The following ITPR2 variants were observed in gnomAD, a reference collection of about 807,000 sequenced individuals.
ITPR2 encodes the protein inositol 1,4,5-trisphosphate receptor type 2, also known as inositol 1,4,5-trisphosphate-gated calcium channel ITPR2.
In ITPR2, 207 loss-of-function variants were observed where a neutral mutation model predicts 317.1. The observed-to-expected ratio is 0.65, with a 90% CI of 0.58 to 0.73. The LOEUF is 0.73. ITPR2 is among the 30% of genes least tolerant of loss of function. ITPR2 has a pLI of 0.00. For missense variants in ITPR2, 2,613 were observed against 3,284.0 expected (o/e 0.80, Z 4.99); for synonymous variants, 1,156 against 1,149.1 (o/e 1.01, Z -0.12).
chr12:26,598,120 T>C (rs996928936), intron 30 of ITPR2, among the ~76,000 whole-genome samples: 1 of 152,192 alleles, frequency 6.6e-6, no homozygotes, highest in African/African-American at 2.4e-5. Flanking sequence ...TTGCTGATCA[T>C]AACACAAAAT....
chr12:26,455,088 T>C (rs148541714), intron 45 of ITPR2, among the ~76,000 whole-genome samples: 2 of 151,866 alleles, frequency 1.3e-5, no homozygotes, highest in East Asian at 3.9e-4. Context: ...TAATGATGAG[T>C]TCCGCAACAG....
At chr12:26,798,568 A>G (rs1407232794) in intron 1 of ITPR2, among the ~76,000 whole-genome samples, 3 of 152,216 alleles carry the variant, frequency 2.0e-5, no homozygotes, top group Non-Finnish European at 4.4e-5. Context: ...TTAAAATGTA[A>G]TATCTTGCTA....
chr12:26,425,936 G>A (rs1271993210), intron 49 of ITPR2, among the ~76,000 whole-genome samples: 1 of 152,114 alleles, frequency 6.6e-6, no homozygotes, highest in African/African-American at 2.4e-5. Flanking sequence ...TCCCATGAGG[G>A]GAAAAAATGC....
At chr12:26,552,582 A>G (rs2137008685) in intron 36 of ITPR2, among the ~76,000 whole-genome samples, 1 of 152,324 alleles carries the variant, frequency 6.6e-6, no homozygotes, top group South Asian at 2.1e-4. Context: ...GAGTCTAGAA[A>G]AGGTGTTATA....
In ITPR2 at chr12:26,545,281, A is replaced by T. The variant is rs554185042; in HGVS notation, c.5073+4966T>A. On this transcript the variant is annotated intron_variant, in intron 37 of 56. Transcript: ENST00000381340. ...TTAAGGCTCTTGAGATGGGAAAATT[A>T]TACCAGATTATCCAGGTGGTTCCAA... Among the ~76,000 whole-genome samples, 4 of 152,242 alleles carry T rather than the reference A, an allele frequency of 2.6e-5. No individual in the cohort carries two copies. In the South Asian group the frequency reaches 8.3e-4, roughly 32 times the overall value.
chr12:26,613,843 A>G (rs1946322592), intron 26 of ITPR2, among the ~76,000 whole-genome samples: 2 of 152,192 alleles, frequency 1.3e-5, no homozygotes. Context: ...CAGAATGTCC[A>G]ATCTAAAGGG....
chr12:26,611,212 C>A (rs1225852232), intron 26 of ITPR2, among the ~76,000 whole-genome samples: 1 of 152,182 alleles, frequency 6.6e-6, no homozygotes, highest in African/African-American at 2.4e-5. Flanking sequence ...CAGTACACAG[C>A]CCCTTGGAAG....
chr12:26,646,138 AAAG>A (rs1044236140), intron 21 of ITPR2, among the ~76,000 whole-genome samples: 1 of 151,964 alleles, frequency 6.6e-6, no homozygotes, highest in African/African-American at 2.4e-5. Context: ...AACACACATA[AAAG>A]AAGAACGCCA....
chr12:26,352,903 G>A (rs1938527278), intron 55 of ITPR2, among the ~76,000 whole-genome samples: 1 of 152,226 alleles, frequency 6.6e-6, no homozygotes, highest in African/African-American at 2.4e-5. Context: ...TGTGTTGGCA[G>A]TTTGAAATCA....
chr12:26,658,124 CA>C lies in ITPR2; in HGVS notation c.1892del (p.Leu631TrpfsTer17). On this transcript the variant is annotated frameshift_variant, in exon 17 of 57. Transcript: ENST00000381340. LOFTEE classifies it high-confidence loss of function. ...ACACACACAGATCTGACAAATAATC[CA>C]AAAACCTGGCAAAAGAAAAAAATTA... is the stretch of plus-strand genomic sequence containing the variant. Reference protein sequence around the residue: ...LLRRNREPRFLDYLSDLCVSN... With the variant: ...LLRRNREPRFXDYLSDLCVSN... The C allele has an allele frequency of 1.9e-6, 3 of 1,546,664 alleles. No homozygotes were observed. The highest frequency in any genetic ancestry group is 2.0e-5 in the Admixed American group (1 of 49,516).
rs372553640 is a variant in ITPR2 at position 26,447,203 on chromosome 12, T to C, written c.6343-3553A>G. Among the ~76,000 whole-genome samples the C allele has an allele frequency of 6.0e-4, 91 of 152,222 alleles. No homozygotes were observed. In the Middle Eastern group the frequency reaches 0.014, roughly 23 times the overall value. On this transcript the variant is annotated intron_variant, in intron 45 of 56. Coordinates refer to ENST00000381340, the MANE Select transcript of ITPR2 (RefSeq NM_002223.4). ...TGGGCTAGTTAATAACATATATTTATGCGTTTAAGTGGACAACAACTCTTA... is the reference window on the plus strand; with the variant it reads ...TGGGCTAGTTAATAACATATATTTACGCGTTTAAGTGGACAACAACTCTTA...
Position 26,599,180 on chromosome 12 carries a change from A to G in ITPR2, c.3967T>C (p.Tyr1323His). The change falls in exon 30 of 57, where the codon TAT becomes CAT. Residue 1323 changes from tyrosine to histidine, a missense_variant. Around this residue, in one of 9 missense-constraint regions of ITPR2, gnomAD observed 817 missense variants for 897.6 expected, o/e 0.91. Coordinates refer to ENST00000381340, the MANE Select transcript of ITPR2 (RefSeq NM_002223.4). ...ACCATATCCTGGCATTTCTTCACAT[A>G]TTTACCATCTGCTTTTACAATTGTT... ...LQTIVKADGK[Y>H]VKKCQDMVMT... The G allele has an allele frequency of 1.2e-6, 2 of 1,614,094 alleles. No homozygotes were observed. The highest frequency in any genetic ancestry group is 3.3e-5 in the Admixed American group (2 of 60,014).
intron 55 of ITPR2, among the ~76,000 whole-genome samples, chr12:26,350,314 C>A (rs1183968189): frequency 6.6e-6 from 1 of 152,160 alleles, no homozygotes; most frequent in Non-Finnish European, 1.5e-5. Context: ...GAATTTCCAT[C>A]CTTAGACTGT....
intron 37 of ITPR2, among the ~76,000 whole-genome samples, chr12:26,538,158 G>A (rs951060640): frequency 2.6e-5 from 4 of 152,158 alleles, no homozygotes; most frequent in Admixed American, 6.5e-5. Context: ...TTTCCTCCTG[G>A]TTGTGTCATC....
At chr12:26,709,999 G>A (rs1272104733) in intron 9 of ITPR2, among the ~76,000 whole-genome samples, 2 of 152,204 alleles carry the variant, frequency 1.3e-5, no homozygotes, top group African/African-American at 4.8e-5. Flanking sequence ...AGGGCTTTGG[G>A]AGGCCGAGGC....
At chr12:26,777,494 T>A (rs912779384) in intron 2 of ITPR2, among the ~76,000 whole-genome samples, 2 of 152,206 alleles carry the variant, frequency 1.3e-5, no homozygotes, top group Non-Finnish European at 2.9e-5. Context: ...AACATTCAAC[T>A]GTCAGAGGCA....
chr12:26,461,689 TATACAC>T (rs761906235), intron 45 of ITPR2, among the ~76,000 whole-genome samples: 65 of 93,196 alleles, frequency 7.0e-4, no homozygotes, highest in South Asian at 4.4e-3. Flanking sequence ...TACATATATA[TATACAC>T]ACACACACAC....
intron 45 of ITPR2, among the ~76,000 whole-genome samples, chr12:26,458,214 G>A (rs960264158): frequency 6.6e-6 from 1 of 152,210 alleles, no homozygotes; most frequent in East Asian, 1.9e-4. Flanking sequence ...GAAGAAACTG[G>A]CAGTATGAGT....
intron 48 of ITPR2, among the ~76,000 whole-genome samples, chr12:26,431,535 G>T (rs1345516595): frequency 6.6e-6 from 1 of 152,172 alleles, no homozygotes. Context: ...AAAACGTTTA[G>T]CCATAAAACA....
Sources: gnomAD v4.1 joint callset for allele counts (sites outside exome capture counted in the v4.1 genomes callset) on GRCh38, gnomAD v4.1.1 for gene constraint, gnomAD v4.1.1 regional missense constraint, MANE v1.5 for transcripts, NCBI Gene and HGNC (gene_info 2026-07-23, HGNC 2026-07-21) for gene names.